The following GSTA3 variants were observed in gnomAD, a reference collection of about 807,000 sequenced individuals.
GSTA3 encodes glutathione S-transferase A3.
A neutral mutation model predicts 23.1 loss-of-function variants in GSTA3; 16 were observed. That is an observed-to-expected ratio of 0.69 (90% CI 0.47 to 1.05). GSTA3 has a LOEUF of 1.05. Among genes scored for constraint, GSTA3 ranks in the 50% least tolerant of loss-of-function variants. The pLI, the probability that GSTA3 is intolerant of heterozygous loss-of-function variation, is 0.00. For synonymous variants in GSTA3, 122 were observed against 91.0 expected, an observed-to-expected ratio of 1.34 and a Z score of -1.94; for missense variants, 319 against 263.6, an observed-to-expected ratio of 1.21 and a Z score of -1.46.
chr6:52,896,751 T>C lies in GSTA3; in HGVS notation c.*55A>G. On this transcript the variant is annotated 3_prime_UTR_variant, in exon 7 of 7. Transcript: ENST00000211122. Reference sequence around the variant, plus strand: ...AACACTTAAGTAAAGCACTTCATTGTTGCAAAACTTTAGAATATTGGTCTT... The same window carrying C: ...AACACTTAAGTAAAGCACTTCATTGCTGCAAAACTTTAGAATATTGGTCTT... The C allele has an allele frequency of 6.9e-6, 11 of 1,604,342 alleles. No homozygotes were observed. Among genetic ancestry groups the C allele is most frequent in the Non-Finnish European group, 9.4e-6 (11 of 1,173,584 alleles).
intron 1 of GSTA3, among the ~76,000 whole-genome samples, chr6:52,906,141 T>C (rs1193981003): frequency 1.3e-5 from 2 of 152,254 alleles, no homozygotes; most frequent in African/African-American, 2.4e-5. Context: ...TGTTCCAACC[T>C]AGTTGGTGAC....
At chr6:52,898,847 G>GCCCCTGCTGCTGTGTCTTTC (rs1194707834) in intron 5 of GSTA3, among the ~76,000 whole-genome samples, 1 of 152,156 alleles carries the variant, frequency 6.6e-6, no homozygotes, top group Admixed American at 6.5e-5. Context: ...GACGCACGTG[G>GCCCCTGCTGCTGTGTCTTTC]CCCCTGCTGC....
chr6:52,903,594 C>CT, intron 3 of GSTA3, 82 bp downstream of exon 3: 1 of 621,926 alleles, frequency 1.6e-6, no homozygotes, highest in Non-Finnish European at 2.7e-6. Flanking sequence ...GAGACTCCGT[C>CT]AAAAAAAAAA....
At chr6:52,907,394 C>G (rs1294593758) in intron 1 of GSTA3, among the ~76,000 whole-genome samples, 1 of 144,062 alleles carries the variant, frequency 6.9e-6, no homozygotes, top group African/African-American at 2.7e-5. Context: ...ACTAGTTCAA[C>G]CATTGTGGAA....
intron 6 of GSTA3, 78 bp from the exon 7 acceptor site, chr6:52,897,006 C>T (rs1349757599): frequency 1.3e-6 from 2 of 1,588,096 alleles, no homozygotes. Flanking sequence ...GAATTTGACC[C>T]CTCCTGCCAG....
chr6:52,902,295 C>T, intron 4 of GSTA3, 51 bp downstream of exon 4: 1 of 1,607,890 alleles, frequency 6.2e-7, no homozygotes, highest in African/African-American at 1.3e-5. Flanking sequence ...AAGGAAGGAC[C>T]TAAATCACTC....
chr6:52,900,264 CTTTT>C (rs368457261), intron 4 of GSTA3, among the ~76,000 whole-genome samples, 189 bp from the exon 5 acceptor site: 1 of 133,454 alleles, frequency 7.5e-6, no homozygotes, highest in Admixed American at 7.5e-5. Flanking sequence ...CTTTCTTTTT[CTTTT>C]TTTTTTTTTT....
At chr6:52,904,565 C>G (rs935669666) in intron 2 of GSTA3, among the ~76,000 whole-genome samples, 2 of 152,160 alleles carry the variant, frequency 1.3e-5, no homozygotes, top group African/African-American at 2.4e-5. Context: ...CGCTGTGAGG[C>G]TGAAGGGGCG....
intron 5 of GSTA3, among the ~76,000 whole-genome samples, chr6:52,898,328 C>A (rs3818234): frequency 0.18 from 27,761 of 151,848 alleles, 4,646 homozygotes; most frequent in African/African-American, 0.4. Flanking sequence ...CTGCTCTCTC[C>A]CTCTCCAATC....
Position 52,902,419 on chromosome 6 carries a change from G to A in GSTA3, c.199C>T (p.Gln67Ter), listed in dbSNP as rs1286929262. Residue 67 changes from glutamine to a stop codon, truncating the protein, a stop_gained, in exon 4 of 7, where the codon CAG becomes TAG. Transcript: ENST00000211122. LOFTEE classifies it high-confidence loss of function. Reference sequence around the variant, plus strand: ...ATGTAGTTGAGAATGGCTCTGGTCTGTACCAACTTCATCCCATCAATCTCA... The same window carrying A: ...ATGTAGTTGAGAATGGCTCTGGTCTATACCAACTTCATCCCATCAATCTCA... ...MVEIDGMKLV[Q>*]TRAILNYIAS... 1.2e-6 allele frequency: 2 copies of A among 1,613,890 alleles called. No individual in the cohort carries two copies. The highest frequency in any genetic ancestry group is 1.7e-5 in the Admixed American group (1 of 60,016).
intron 1 of GSTA3, 60 bp downstream of exon 1, chr6:52,909,577 ATTTG>A (rs1440548342): frequency 6.6e-6 from 1 of 152,226 alleles, no homozygotes; most frequent in Non-Finnish European, 1.5e-5. Flanking sequence ...ACACATTTAA[ATTTG>A]TTTTTCTTAG....
In GSTA3 at chr6:52,905,868, AATGAATGC is replaced by A. The variant is rs1581869599; in HGVS notation, c.-21-21_-21-14del. The stretch of plus-strand genomic sequence containing the variant: ...TCTCTTGGTTTCTCTAAAATGAATG[AATGAATGC>A]ATGAATGGATGAATGAATGAGTCTA... On this transcript the variant is annotated splice_polypyrimidine_tract_variant and intron_variant, in intron 1 of 6. Coordinates refer to ENST00000211122, the MANE Select transcript of GSTA3 (RefSeq NM_000847.5). 7.8e-7 allele frequency: 1 copy of A among 1,276,714 alleles called. No homozygotes were observed. The allele number at this position is 1,276,714 out of a possible 1,614,324, so 79.1% of individuals were successfully genotyped here.
intron 5 of GSTA3, among the ~76,000 whole-genome samples, chr6:52,898,881 G>T (rs573200734): frequency 1.8e-4 from 28 of 152,282 alleles, no homozygotes; most frequent in East Asian, 7.7e-4. Context: ...CTGCTGCTGT[G>T]TCGTTCCCCT....
chr6:52,905,100 G>A (rs1259771869), intron 2 of GSTA3, among the ~76,000 whole-genome samples: 1 of 152,126 alleles, frequency 6.6e-6, no homozygotes, highest in Non-Finnish European at 1.5e-5. Flanking sequence ...TATGTTTAAT[G>A]ACATTTAGTT....
At chr6:52,900,264 CTTT>C (rs368457261) in intron 4 of GSTA3, among the ~76,000 whole-genome samples, 189 bp from the exon 5 acceptor site, 1 of 133,422 alleles carries the variant, frequency 7.5e-6, no homozygotes. Context: ...CTTTCTTTTT[CTTT>C]TTTTTTTTTT....
At chr6:52,908,186 T>C (rs1289912840) in intron 1 of GSTA3, among the ~76,000 whole-genome samples, 2 of 149,354 alleles carry the variant, frequency 1.3e-5, no homozygotes, top group Non-Finnish European at 3.0e-5. Flanking sequence ...CATTTGCCTA[T>C]AGCGCTCACT....
intron 1 of GSTA3, among the ~76,000 whole-genome samples, chr6:52,908,036 A>T (rs963675811): frequency 6.6e-6 from 1 of 152,008 alleles, no homozygotes; most frequent in African/African-American, 2.4e-5. Context: ...CCACCCCTCA[A>T]ACTGTGAGCT....
chr6:52,896,997 A>T, intron 6 of GSTA3, 69 bp from the exon 7 acceptor site: 1 of 1,596,408 alleles, frequency 6.3e-7, no homozygotes, highest in Non-Finnish European at 8.5e-7. Context: ...CCACCCAGGG[A>T]ATTTGACCCC....
At chr6:52,902,737 T>C (rs116126359) in intron 3 of GSTA3, among the ~76,000 whole-genome samples, 1 of 152,354 alleles carries the variant, frequency 6.6e-6, no homozygotes, top group African/African-American at 2.4e-5. Context: ...TGTATTTTAC[T>C]TGCGTTGATT....
Sources: gnomAD v4.1 joint callset for allele counts (sites outside exome capture counted in the v4.1 genomes callset) on GRCh38, gnomAD v4.1.1 for gene constraint, MANE v1.5 for transcripts, NCBI Gene and HGNC (gene_info 2026-07-23, HGNC 2026-07-21) for gene names.